RHBDD1: variants seen among roughly 807,000 people sequenced by gnomAD.
RHBDD1 encodes rhomboid-related protein 4.
In RHBDD1, 38 loss-of-function variants were observed where a neutral mutation model predicts 36.3. That is an observed-to-expected ratio of 1.05 (90% CI 0.81 to 1.37). The LOEUF is 1.37. Among genes scored for constraint, RHBDD1 ranks in the 40% most tolerant of loss-of-function variants. The pLI, the probability that RHBDD1 is intolerant of heterozygous loss-of-function variation, is 0.00. For synonymous variants in RHBDD1, 151 were observed against 136.5 expected, an observed-to-expected ratio of 1.11 and a Z score of -0.74; for missense variants, 393 against 377.6, an observed-to-expected ratio of 1.04 and a Z score of -0.34.
At chr2:226,801,551 C>G in the RHBDD1 span, among the ~76,000 whole-genome samples, 1 of 152,156 alleles carries the variant, frequency 6.6e-6, no homozygotes, top group South Asian at 2.1e-4. Flanking sequence ...GTCATGCAGC[C>G]TCATCTAAAC....
At chr2:226,967,816 T>C (rs1313615573) in intron 8 of RHBDD1, among the ~76,000 whole-genome samples, 1 of 151,884 alleles carries the variant, frequency 6.6e-6, no homozygotes, top group Non-Finnish European at 1.5e-5. Flanking sequence ...GGAGTCAGGG[T>C]AGAGGGGTTA....
At chr2:226,877,807 C>T (rs1026629914) in intron 5 of RHBDD1, among the ~76,000 whole-genome samples, 5 of 152,050 alleles carry the variant, frequency 3.3e-5, no homozygotes, top group East Asian at 1.9e-4. Flanking sequence ...GGAATTTTAC[C>T]GCTTTGTCAA....
the RHBDD1 span, among the ~76,000 whole-genome samples, chr2:226,801,506 C>T: frequency 6.6e-6 from 1 of 152,172 alleles, no homozygotes; most frequent in Non-Finnish European, 1.5e-5. Context: ...GCCTGGGAGC[C>T]TCTCGTTTCT....
chr2:226,923,328 T>C (rs1949453735), intron 8 of RHBDD1, among the ~76,000 whole-genome samples: 1 of 152,196 alleles, frequency 6.6e-6, no homozygotes, highest in African/African-American at 2.4e-5. Context: ...TTCAGCACTT[T>C]AAATATATCA....
intron 8 of RHBDD1, among the ~76,000 whole-genome samples, chr2:226,924,133 A>G (rs1291086280): frequency 6.6e-6 from 1 of 152,166 alleles, no homozygotes; most frequent in Non-Finnish European, 1.5e-5. Flanking sequence ...TGAAGCCAGC[A>G]TGTCTCTGAG....
At chr2:226,898,604 A>G (rs1255574103) in intron 5 of RHBDD1, among the ~76,000 whole-genome samples, 2 of 152,262 alleles carry the variant, frequency 1.3e-5, no homozygotes, top group Non-Finnish European at 2.9e-5. Context: ...TGCTGGTATC[A>G]TGGTTGAAGG....
chr2:226,916,503 G>A (rs776288069), intron 8 of RHBDD1, among the ~76,000 whole-genome samples: 15 of 152,120 alleles, frequency 9.9e-5, no homozygotes, highest in African/African-American at 1.2e-4. Flanking sequence ...ACTTCTCAGC[G>A]TGGACTTCAT....
At chr2:226,989,400 G>A (rs529789598) in intron 8 of RHBDD1, among the ~76,000 whole-genome samples, 1 of 152,332 alleles carries the variant, frequency 6.6e-6, no homozygotes, top group South Asian at 2.1e-4. Flanking sequence ...GTAACTGGAA[G>A]GGGGCTTGTG....
At chr2:226,809,451 T>C in the RHBDD1 span, among the ~76,000 whole-genome samples, 1 of 152,228 alleles carries the variant, frequency 6.6e-6, no homozygotes, top group African/African-American at 2.4e-5. Flanking sequence ...AGTAGGTTAG[T>C]AGAGTTTGTA....
chr2:226,933,570 G>A (rs980729566), intron 8 of RHBDD1, among the ~76,000 whole-genome samples: 2 of 152,060 alleles, frequency 1.3e-5, no homozygotes, highest in African/African-American at 4.8e-5. Flanking sequence ...GACTGTCCTA[G>A]GTGAGGAAGT....
chr2:226,854,099 CCT>C (rs1395448858), intron 3 of RHBDD1, among the ~76,000 whole-genome samples: 1 of 152,042 alleles, frequency 6.6e-6, no homozygotes, highest in African/African-American at 2.4e-5. Flanking sequence ...GACCTTGATT[CCT>C]GGGATGAATA....
chr2:226,926,726 A>C (rs1277134370), intron 8 of RHBDD1, among the ~76,000 whole-genome samples: 1 of 152,172 alleles, frequency 6.6e-6, no homozygotes, highest in Non-Finnish European at 1.5e-5. Context: ...TCTCTGTTGC[A>C]AAGGTACATT....
rs939220651 is a variant in RHBDD1 at position 226,998,636 on chromosome 2, G to T, written c.*3114G>T. The T allele has an allele frequency of 6.6e-6, 1 of 151,778 alleles. No homozygotes were observed. Among genetic ancestry groups the T allele is most frequent in the Non-Finnish European group, 1.5e-5 (1 of 67,996 alleles). The allele number at this position is 151,778 out of a possible 1,614,324, so 9.4% of individuals were successfully genotyped here. On this transcript the variant is annotated 3_prime_UTR_variant, in exon 9 of 9. Coordinates refer to ENST00000392062, the MANE Select transcript of RHBDD1 (RefSeq NM_001167608.3). Reference sequence around the variant, plus strand: ...TTTAGAATCACAGACTCTCAGCTTAGAGAGTCACAGTATCTCAATTATTTG... The same window carrying T: ...TTTAGAATCACAGACTCTCAGCTTATAGAGTCACAGTATCTCAATTATTTG...
At position 226,899,167 on chromosome 2, in the gene RHBDD1, C is replaced by T. The variant is rs73085834; in HGVS notation, c.567-7626C>T. On this transcript the variant is annotated intron_variant, in intron 5 of 8. Transcript: ENST00000392062. ...CATTTTGCATAACCACTTAACTCAGCGTTACAATAGCCTCTTAAATGGATG... is the reference window on the plus strand; with the variant it reads ...CATTTTGCATAACCACTTAACTCAGTGTTACAATAGCCTCTTAAATGGATG... Among the ~76,000 whole-genome samples, 19 of 152,252 alleles carry T rather than the reference C, an allele frequency of 1.2e-4. 1 individual carries two copies. The East Asian group carries it at 1.4e-3, about 11-fold the overall frequency.
intron 3 of RHBDD1, among the ~76,000 whole-genome samples, chr2:226,840,884 GTT>G (rs954615541): frequency 1.0e-4 from 15 of 148,148 alleles, no homozygotes; most frequent in Non-Finnish European, 1.6e-4. Flanking sequence ...TATAATTTGG[GTT>G]TTTTTTTTCT....
At chr2:226,980,859 A>G (rs1407335724) in intron 8 of RHBDD1, among the ~76,000 whole-genome samples, 3 of 152,204 alleles carry the variant, frequency 2.0e-5, no homozygotes, top group Non-Finnish European at 2.9e-5. Flanking sequence ...GTTTTATTTT[A>G]CTAGAATTTA....
intron 8 of RHBDD1, among the ~76,000 whole-genome samples, chr2:226,934,910 A>G (rs919131018): frequency 6.6e-6 from 1 of 151,616 alleles, no homozygotes; most frequent in Non-Finnish European, 1.5e-5. Context: ...GGTGCTGGGT[A>G]CAAAGCTCTG....
chr2:226,911,371 T>C (rs1359684110), intron 7 of RHBDD1, among the ~76,000 whole-genome samples: 1 of 152,084 alleles, frequency 6.6e-6, no homozygotes, highest in Non-Finnish European at 1.5e-5. Flanking sequence ...TTGGCATTCA[T>C]AGGGAATTGG....
rs774687740 is a variant in RHBDD1 at position 226,908,915 on chromosome 2, T to C, written c.712+37T>C. On this transcript the variant is annotated intron_variant, in intron 7 of 8. Coordinates refer to ENST00000392062, the MANE Select transcript of RHBDD1 (RefSeq NM_001167608.3). Reference sequence around the variant, plus strand: ...ATTTCATTTAATAAATTTTAACTTATTTTTAAAATTATAGTGTTCAGCTCT... The same window carrying C: ...ATTTCATTTAATAAATTTTAACTTACTTTTAAAATTATAGTGTTCAGCTCT... 3.0e-6 allele frequency: 4 copies of C among 1,330,360 alleles called. No individual in the cohort carries two copies. In the East Asian group the frequency reaches 7.0e-5, roughly 23 times the overall value. The allele number at this position is 1,330,360 out of a possible 1,614,324, so 82.4% of individuals were successfully genotyped here. A position where few individuals can be genotyped will look rare whatever the true frequency, so the allele number is the denominator to read the frequency against.
Sources: allele counts gnomAD v4.1 joint callset (sites outside exome capture counted in the v4.1 genomes callset), GRCh38; gene constraint gnomAD v4.1.1; transcripts MANE v1.5; gene names NCBI Gene and HGNC (gene_info 2026-07-23, HGNC 2026-07-21).